Variants in CDK14 observed in about 807,000 individuals in gnomAD.
CDK14 encodes the protein cyclin-dependent kinase 14.
Under a neutral mutation model 60.7 loss-of-function variants are expected in CDK14, and 34 were observed. The ratio of observed to expected loss-of-function variants is 0.56; its 90% CI spans 0.43 to 0.75. The LOEUF is 0.75. CDK14 is among the 30% of genes least tolerant of loss of function. The pLI is 0.00. For missense variants in CDK14, 482 were observed against 564.1 expected (o/e 0.85, Z 1.47); for synonymous variants, 197 against 203.7 (o/e 0.97, Z 0.28).
At chr7:90,677,872 C>T (rs574216929) in intron 2 of CDK14, among the ~76,000 whole-genome samples, 8 of 152,248 alleles carry the variant, frequency 5.3e-5, no homozygotes, top group Admixed American at 5.2e-4. Flanking sequence ...GCCTTAGTGC[C>T]CTGCTCTAGG....
intron 2 of CDK14, among the ~76,000 whole-genome samples, chr7:90,623,027 T>C (rs2116378142): frequency 6.6e-6 from 1 of 151,038 alleles, no homozygotes; most frequent in East Asian, 1.9e-4. Flanking sequence ...ATAGTTTCCA[T>C]TATTAATGTA....
intron 5 of CDK14, among the ~76,000 whole-genome samples, chr7:90,805,612 T>A (rs1389834862): frequency 6.6e-6 from 1 of 152,072 alleles, no homozygotes; most frequent in East Asian, 1.9e-4. Flanking sequence ...TTACAAAATC[T>A]TGATGGAAAG....
chr7:90,743,156 G>A lies in CDK14; in HGVS notation c.370-4525G>A, dbSNP rs116079606. Among the ~76,000 whole-genome samples, 896 of 152,162 alleles carry A rather than the reference G, an allele frequency of 5.9e-3. 15 individuals carry two copies. The highest frequency in any genetic ancestry group is 0.02 in the African/African-American group (844 of 41,542). On this transcript the variant is annotated intron_variant, in intron 3 of 14. Transcript: ENST00000380050. ...GGAACATTTTGGTTTTAAGGTTTTT[G>A]GATTAGGGATTCTAACCTATATAGC...
At chr7:90,702,765 A>G (rs1477240862) in intron 2 of CDK14, among the ~76,000 whole-genome samples, 2 of 152,176 alleles carry the variant, frequency 1.3e-5, no homozygotes, top group East Asian at 3.9e-4. Flanking sequence ...AATACTTTTT[A>G]TTTGAGTATT....
intron 2 of CDK14, among the ~76,000 whole-genome samples, chr7:90,712,086 G>T (rs918934612): frequency 2.0e-5 from 3 of 149,642 alleles, no homozygotes; most frequent in Non-Finnish European, 4.5e-5. Context: ...TTTTCATTTT[G>T]GTAGTTATGA....
At chr7:90,741,806 G>A (rs1292553605) in intron 3 of CDK14, among the ~76,000 whole-genome samples, 1 of 151,962 alleles carries the variant, frequency 6.6e-6, no homozygotes, top group African/African-American at 2.4e-5. Flanking sequence ...GTTTGTTACA[G>A]GTTTCTATAG....
intron 4 of CDK14, among the ~76,000 whole-genome samples, chr7:90,766,854 C>T (rs936599020): frequency 6.6e-6 from 1 of 152,104 alleles, no homozygotes; most frequent in Non-Finnish European, 1.5e-5. Context: ...TTGTCTGCTC[C>T]GGCTCCACAG....
intron 6 of CDK14, among the ~76,000 whole-genome samples, chr7:90,870,109 C>A (rs1791319493): frequency 6.6e-6 from 1 of 152,078 alleles, no homozygotes; most frequent in African/African-American, 2.4e-5. Flanking sequence ...TCATAAAATA[C>A]CATTGACTGC....
chr7:90,915,799 G>A (rs1297586466), intron 7 of CDK14, among the ~76,000 whole-genome samples: 1 of 152,138 alleles, frequency 6.6e-6, no homozygotes, highest in Non-Finnish European at 1.5e-5. Context: ...TAATATGGAG[G>A]TTAATAGTAG....
chr7:90,736,356 T>G (rs1210698157), intron 3 of CDK14, among the ~76,000 whole-genome samples: 1 of 146,152 alleles, frequency 6.8e-6, no homozygotes, highest in Non-Finnish European at 1.5e-5. Flanking sequence ...TTTTGTTTTT[T>G]TTTTTTTTTT....
chr7:90,950,649 A>G (rs1794230494), intron 8 of CDK14, among the ~76,000 whole-genome samples: 1 of 152,216 alleles, frequency 6.6e-6, no homozygotes, highest in Admixed American at 6.5e-5. Context: ...AGGATGTAGT[A>G]CTGGTTAGAA....
intron 6 of CDK14, among the ~76,000 whole-genome samples, chr7:90,880,434 T>A (rs1791708269): frequency 6.6e-6 from 1 of 152,100 alleles, no homozygotes; most frequent in African/African-American, 2.4e-5. Context: ...AATTCGGATC[T>A]CCCTGGACCT....
chr7:90,969,309 G>A (rs1794850582), intron 9 of CDK14, among the ~76,000 whole-genome samples: 1 of 152,096 alleles, frequency 6.6e-6, no homozygotes, highest in South Asian at 2.1e-4. Context: ...TTTGATGACT[G>A]GAACTAAATA....
chr7:91,016,835 G>A (rs973799206), intron 10 of CDK14, among the ~76,000 whole-genome samples: 5 of 152,144 alleles, frequency 3.3e-5, no homozygotes, highest in African/African-American at 7.2e-5. Context: ...ACTAAACAAA[G>A]CATTGTCTAT....
chr7:90,982,080 T>A (rs1315092591), intron 9 of CDK14, among the ~76,000 whole-genome samples: 2 of 152,168 alleles, frequency 1.3e-5, no homozygotes, highest in African/African-American at 2.4e-5. Context: ...TGCAGTGGTC[T>A]GGGAGGCAAG....
intron 11 of CDK14, among the ~76,000 whole-genome samples, chr7:91,075,026 G>A (rs1798256417): frequency 6.6e-6 from 1 of 152,140 alleles, no homozygotes; most frequent in South Asian, 2.1e-4. Context: ...AAAAGCCCAG[G>A]ACCAGATGGA....
chr7:90,875,531 T>C (rs1791528330), intron 6 of CDK14, among the ~76,000 whole-genome samples: 1 of 152,154 alleles, frequency 6.6e-6, no homozygotes, highest in Non-Finnish European at 1.5e-5. Context: ...TTTCTGCCTT[T>C]TTTTTTTATT....
chr7:90,744,576 A>T lies in CDK14; in HGVS notation c.370-3105A>T, dbSNP rs369853551. On this transcript the variant is annotated intron_variant, in intron 3 of 14. Coordinates refer to ENST00000380050, the MANE Select transcript of CDK14 (RefSeq NM_001287135.2). ...CGGGCAGAGGGGCTCCTCACTTCCC[A>T]GTAGGGGCGGCCGGGCAGAAGCGCC... is the stretch of plus-strand genomic sequence containing the variant. Among the ~76,000 whole-genome samples the T allele has an allele frequency of 5.4e-5, 8 of 146,854 alleles. No individual in the cohort carries two copies. In the East Asian group the frequency reaches 1.7e-3, roughly 31 times the overall value.
At chr7:90,865,313 G>A (rs887756545) in intron 6 of CDK14, among the ~76,000 whole-genome samples, 1 of 151,970 alleles carries the variant, frequency 6.6e-6, no homozygotes, top group African/African-American at 2.4e-5. Context: ...TTCTCAGCAC[G>A]ATTAGTCTAT....
Sources: gnomAD v4.1 joint callset for allele counts (sites outside exome capture counted in the v4.1 genomes callset) on GRCh38, gnomAD v4.1.1 for gene constraint, MANE v1.5 for transcripts, NCBI Gene and HGNC (gene_info 2026-07-23, HGNC 2026-07-21) for gene names.